GPR21: variants seen among roughly 807,000 people sequenced by gnomAD.
GPR21 encodes G protein-coupled receptor 21.
GPR21 carries 9 observed loss-of-function variants against 21.5 expected under a neutral mutation model. The observed-to-expected ratio is 0.42, with a 90% confidence interval of 0.25 to 0.73. The LOEUF (loss-of-function observed/expected upper bound fraction) is 0.73. Ranked by LOEUF, GPR21 falls within the 30% of genes least tolerant of loss-of-function variation. The pLI, the probability that GPR21 is intolerant of heterozygous loss-of-function variation, is 0.27. For synonymous variants in GPR21, 169 were observed against 159.3 expected (o/e 1.06, Z -0.46); for missense variants, 416 against 428.9 (o/e 0.97, Z 0.27).
chr9:123,034,371 A>T lies in GPR21; in HGVS notation c.-196A>T. The T allele has an allele frequency of 1.7e-6, 1 of 576,222 alleles. No individual in the cohort carries two copies. The highest frequency in any genetic ancestry group is 3.0e-6 in the Non-Finnish European group (1 of 328,912). 35.7% of individuals were successfully genotyped at this position (576,222 alleles called of 1,614,324 possible). ...CAGACAACTGCTGCTGGCTCTCCTT[A>T]TTCCAGGAAGGATTTAAAGGGGAAT... is the stretch of plus-strand genomic sequence containing the variant. On this transcript the variant is annotated 5_prime_UTR_variant, in exon 2 of 2. Transcript: ENST00000616002.
chr9:123,035,088 TGGAGATGTGTTTCAGTGGTGTGC>T lies in GPR21; in HGVS notation c.527_549del (p.Asp176ValfsTer64). 6.2e-7 allele frequency: 1 copy of T among 1,614,018 alleles called. No individual in the cohort carries two copies. The highest frequency in any genetic ancestry group is 1.1e-5 in the South Asian group (1 of 91,076). On this transcript the variant is annotated frameshift_variant, in exon 2 of 2. Transcript: ENST00000616002. LOFTEE classifies it high-confidence loss of function. Reference sequence around the variant, plus strand: ...TCCACTGGGGCAAACCTGGATATCATGGAGATGTGTTTCAGTGGTGTGCGGAGTCCTGGCACACCGACTCCTAC... The same window carrying T: ...TCCACTGGGGCAAACCTGGATATCATGGAGTCCTGGCACACCGACTCCTAC...
At chr9:123,040,642 T>C (rs2032907987), downstream of GPR21, among the ~76,000 whole-genome samples, 1 of 152,190 alleles carries the variant, frequency 6.6e-6, no homozygotes, top group South Asian at 2.1e-4. Context: ...CTATCTTTTA[T>C]CATAAAACAT....
the GPR21 span, among the ~76,000 whole-genome samples, chr9:123,044,189 C>T: frequency 1.3e-5 from 2 of 152,134 alleles, no homozygotes; most frequent in African/African-American, 4.8e-5. Flanking sequence ...AGGCGTGAGC[C>T]ACCGCGCCCA....
At chr9:123,041,172 C>T in the GPR21 span, among the ~76,000 whole-genome samples, 3 of 152,132 alleles carry the variant, frequency 2.0e-5, no homozygotes, top group African/African-American at 7.2e-5. Flanking sequence ...TTAATACTTC[C>T]AACACTGTAA....
the GPR21 span, among the ~76,000 whole-genome samples, chr9:123,046,585 G>A: frequency 6.6e-6 from 1 of 152,202 alleles, no homozygotes; most frequent in African/African-American, 2.4e-5. Flanking sequence ...ACTGTCTCAT[G>A]TGAGTATTGT....
At chr9:123,035,827 C>G (rs1476719127), downstream of GPR21, 1 of 482,790 alleles carries the variant, frequency 2.1e-6, no homozygotes, top group Non-Finnish European at 3.6e-6. Flanking sequence ...TTAGAAGACT[C>G]AAGATCATGA....
At chr9:123,038,219 C>T (rs1271030806), downstream of GPR21, among the ~76,000 whole-genome samples, 3 of 151,932 alleles carry the variant, frequency 2.0e-5, no homozygotes, top group Non-Finnish European at 4.4e-5. Flanking sequence ...GTTTTTTTCA[C>T]GGGCCTATTG....
At chr9:123,036,669 A>G (rs1336984931), downstream of GPR21, among the ~76,000 whole-genome samples, 1 of 152,170 alleles carries the variant, frequency 6.6e-6, no homozygotes, top group African/African-American at 2.4e-5. Context: ...TTGTGGTTAA[A>G]TGGAATCAAC....
chr9:123,038,948 T>C (rs2032812738), downstream of GPR21, among the ~76,000 whole-genome samples: 1 of 152,148 alleles, frequency 6.6e-6, no homozygotes, highest in Non-Finnish European at 1.5e-5. Context: ...TGAGGGCAAG[T>C]CACTTCTCTA....
chr9:123,037,104 C>T (rs1311911891), downstream of GPR21, among the ~76,000 whole-genome samples: 2 of 152,018 alleles, frequency 1.3e-5, no homozygotes, highest in Non-Finnish European at 2.9e-5. Context: ...AATCTGAATG[C>T]GACAGTGGTG....
chr9:123,045,344 T>C, the GPR21 span, among the ~76,000 whole-genome samples: 4 of 152,238 alleles, frequency 2.6e-5, no homozygotes, highest in Non-Finnish European at 5.9e-5. Flanking sequence ...TTTGTGGGTC[T>C]CTTGTCTTTA....
At chr9:123,042,936 G>A in the GPR21 span, among the ~76,000 whole-genome samples, 1 of 152,176 alleles carries the variant, frequency 6.6e-6, no homozygotes, top group Non-Finnish European at 1.5e-5. Flanking sequence ...GGCATGGATG[G>A]TGGAGTCTAA....
downstream of GPR21, among the ~76,000 whole-genome samples, chr9:123,038,572 G>C (rs2032790974): frequency 6.6e-6 from 1 of 152,026 alleles, no homozygotes; most frequent in South Asian, 2.1e-4. Flanking sequence ...CATAGTTGTT[G>C]GTGAAATTAC....
In GPR21 at chr9:123,035,376, C is replaced by A. The variant is rs373539769; in HGVS notation, c.810C>A (p.Ile270=). The change falls in exon 2 of 2, where the codon ATC becomes ATA. Residue 270 remains isoleucine (I), a synonymous_variant. Coordinates refer to ENST00000616002, the MANE Select transcript of GPR21 (RefSeq NM_005294.3). ...VFYILWLPYI[I]YFLLESSTGH... is the part of the protein sequence containing the mutation. ...ACATCCTCTGGTTGCCATATATCAT[C>A]TACTTCTTGTTGGAAAGCTCCACTG... The A allele has an allele frequency of 6.2e-7, 1 of 1,614,138 alleles. No individual in the cohort carries two copies. Among genetic ancestry groups the A allele is most frequent in the Non-Finnish European group, 8.5e-7 (1 of 1,179,984 alleles).
Position 123,034,235 on chromosome 9 carries a change from C to T in GPR21, c.-332C>T, listed in dbSNP as rs1010283501. Reference sequence around the variant, plus strand: ...CTAATCTTCTTCCCTTCTCTTCTACCCTTTCCCCCTACCCTCACTTGGCCT... The same window carrying T: ...CTAATCTTCTTCCCTTCTCTTCTACTCTTTCCCCCTACCCTCACTTGGCCT... On this transcript the variant is annotated 5_prime_UTR_variant, in exon 2 of 2. Coordinates refer to ENST00000616002, the MANE Select transcript of GPR21 (RefSeq NM_005294.3). The T allele has an allele frequency of 1.2e-5, 4 of 345,916 alleles. No homozygotes were observed. The highest frequency in any genetic ancestry group is 8.5e-5 in the African/African-American group (4 of 47,332). 21.4% of individuals were successfully genotyped at this position (345,916 alleles called of 1,614,324 possible). A position where few individuals can be genotyped will look rare whatever the true frequency, so the allele number is the denominator to read the frequency against.
downstream of GPR21, chr9:123,035,803 A>G (rs939715270): frequency 2.0e-6 from 1 of 505,110 alleles, no homozygotes; most frequent in African/African-American, 1.9e-5. Context: ...ATGGTTTTCA[A>G]AAGTGCTTGT....
At chr9:123,044,237 A>C in the GPR21 span, among the ~76,000 whole-genome samples, 130 of 152,292 alleles carry the variant, frequency 8.5e-4, no homozygotes, top group African/African-American at 2.9e-3. Context: ...TGTAGACCAC[A>C]TTTAGGAAAA....
rs867191224 is a variant in GPR21, at chr9:123,035,566, GACCCTTAC to G, written c.1003_1010del (p.Pro335SerfsTer2). On this transcript the variant is annotated frameshift_variant, in exon 2 of 2. Transcript: ENST00000616002. LOFTEE classifies it high-confidence loss of function. The stretch of plus-strand genomic sequence containing the variant: ...TTGTGCAAGTCAGACTACAGCCAAC[GACCCTTAC>G]ACAGTTAGAAGCAAAGGCCCTCTTA... 1 of 1,612,184 alleles carries G rather than the reference GACCCTTAC, an allele frequency of 6.2e-7. No individual in the cohort carries two copies. The highest frequency in any genetic ancestry group is 1.3e-5 in the African/African-American group (1 of 74,932).
chr9:123,047,404 G>T, the GPR21 span, among the ~76,000 whole-genome samples: 1 of 152,090 alleles, frequency 6.6e-6, no homozygotes. Flanking sequence ...TGTTTTCCAA[G>T]AATTTTAAAT....
Sources: gnomAD v4.1 joint callset for allele counts (sites outside exome capture counted in the v4.1 genomes callset) on GRCh38, gnomAD v4.1.1 for gene constraint, MANE v1.5 for transcripts, NCBI Gene and HGNC (gene_info 2026-07-23, HGNC 2026-07-21) for gene names.